Variants in GLIS1 observed in about 807,000 individuals in gnomAD.
GLIS1 encodes zinc finger protein GLIS1.
GLIS1 carries 24 observed loss-of-function variants against 63.8 expected under a neutral mutation model. The ratio of observed to expected loss-of-function variants is 0.38; its 90% CI spans 0.27 to 0.53. GLIS1 has a LOEUF of 0.53. Among genes scored for constraint, GLIS1 ranks in the 20% least tolerant of loss-of-function variants. The pLI is 0.85. For missense variants in GLIS1, 1,036 were observed against 1,074.1 expected (o/e 0.96, Z 0.50); for synonymous variants, 450 against 482.5 (o/e 0.93, Z 0.88).
chr1:53,513,313 T>C (rs1189086956), intron 8 of GLIS1, among the ~76,000 whole-genome samples: 1 of 152,050 alleles, frequency 6.6e-6, no homozygotes, highest in Non-Finnish European at 1.5e-5. Flanking sequence ...ACCCCTGCAA[T>C]GCCGCCCTGC....
intron 4 of GLIS1, among the ~76,000 whole-genome samples, chr1:53,536,507 C>T (rs982997800): frequency 6.6e-6 from 1 of 152,046 alleles, no homozygotes; most frequent in African/African-American, 2.4e-5. Context: ...GACAACGTTC[C>T]CCGCTGAGGA....
chr1:53,617,403 G>A (rs1645493131), intron 2 of GLIS1, among the ~76,000 whole-genome samples: 1 of 152,200 alleles, frequency 6.6e-6, no homozygotes, highest in Non-Finnish European at 1.5e-5. Context: ...ACTTTCTCAT[G>A]GTTTTAAGAG....
At chr1:53,626,339 G>A (rs1645593700) in intron 2 of GLIS1, among the ~76,000 whole-genome samples, 1 of 152,298 alleles carries the variant, frequency 6.6e-6, no homozygotes, top group South Asian at 2.1e-4. Context: ...TGCCAAGTCT[G>A]TCCTCGAGAG....
rs1646925453 is a variant in GLIS1, at chr1:53,737,800, A to G, written c.259+6T>C. 2.4e-6 allele frequency: 3 copies of G among 1,230,728 alleles called. No homozygotes were observed. The South Asian group carries it at 1.2e-4, about 51-fold the overall frequency. 76.2% of individuals were successfully genotyped at this position (1,230,728 alleles called of 1,614,324 possible). A position where few individuals can be genotyped will look rare whatever the true frequency, so the allele number is the denominator to read the frequency against. ...CCGCCAGGCACGTTGGCAGGGCCGA[A>G]CTCACCCTTCCCGGCGGCGGCGGCC... On this transcript the variant is annotated splice_donor_region_variant and intron_variant, in intron 2 of 10. Transcript: ENST00000628545.
At chr1:53,619,814 G>T (rs928714463) in intron 2 of GLIS1, among the ~76,000 whole-genome samples, 2 of 152,218 alleles carry the variant, frequency 1.3e-5, no homozygotes, top group South Asian at 4.1e-4. Context: ...AGATAATCTT[G>T]TTTTACATAA....
At chr1:53,671,873 G>A (rs555977887) in intron 2 of GLIS1, among the ~76,000 whole-genome samples, 1 of 152,178 alleles carries the variant, frequency 6.6e-6, no homozygotes, top group Non-Finnish European at 1.5e-5. Context: ...TTCAAACCCA[G>A]ATCTACCCAA....
At chr1:53,687,570 G>A (rs1024639420) in intron 2 of GLIS1, among the ~76,000 whole-genome samples, 18 of 152,120 alleles carry the variant, frequency 1.2e-4, no homozygotes, top group African/African-American at 4.3e-4. Context: ...CTGCTGTCGG[G>A]TGGTTCTGTG....
rs1645014792 is a variant in GLIS1 at position 53,574,672 on chromosome 1, C to T, written c.1320+19436G>A. Reference sequence around the variant, plus strand: ...TGGTGGGTCATGATGTCTGCTGGTCCCCAATATGAGTAAAGGAAGCAGCCC... The same window carrying T: ...TGGTGGGTCATGATGTCTGCTGGTCTCCAATATGAGTAAAGGAAGCAGCCC... On this transcript the variant is annotated intron_variant, in intron 4 of 10. Coordinates refer to ENST00000628545, the MANE Select transcript of GLIS1 (RefSeq NM_001367484.1). This position sits in a 1 kb window ranked among gnomAD's most constrained non-coding sequence, Gnocchi z 4.2. 6.6e-6 allele frequency among the ~76,000 whole-genome samples: 1 copy of T among 152,170 alleles called. No homozygotes were observed. The highest frequency in any genetic ancestry group is 1.5e-5 in the Non-Finnish European group (1 of 68,038).
chr1:53,704,141 T>C (rs535557962), intron 2 of GLIS1, among the ~76,000 whole-genome samples: 27 of 152,374 alleles, frequency 1.8e-4, no homozygotes, highest in African/African-American at 6.0e-4. Context: ...ATATGTGGCC[T>C]TTGAAAAGTC....
At chr1:53,578,184 CTTGCTATAGCAGCCTGAA>C (rs1645051523) in intron 4 of GLIS1, among the ~76,000 whole-genome samples, 1 of 152,222 alleles carries the variant, frequency 6.6e-6, no homozygotes, top group Non-Finnish European at 1.5e-5. Context: ...AGACAGGCTG[CTTGCTATAGCAGCCTGAA>C]TCCCACTGGG....
At chr1:53,547,692 G>T (rs146052240) in intron 4 of GLIS1, among the ~76,000 whole-genome samples, 2 of 152,194 alleles carry the variant, frequency 1.3e-5, no homozygotes, top group Non-Finnish European at 2.9e-5. Context: ...TGGTATGGCC[G>T]TACATTCTGG....
intron 2 of GLIS1, among the ~76,000 whole-genome samples, chr1:53,603,982 T>A (rs1163663038): frequency 1.3e-5 from 2 of 152,220 alleles, no homozygotes; most frequent in Non-Finnish European, 2.9e-5. Flanking sequence ...TGGCACTTTT[T>A]AAGCTAGGTA....
At chr1:53,649,025 AT>A (rs926423166) in intron 2 of GLIS1, among the ~76,000 whole-genome samples, 14 of 152,190 alleles carry the variant, frequency 9.2e-5, no homozygotes, top group South Asian at 2.1e-4. Flanking sequence ...TTATTCATGG[AT>A]TTTTTTTCAA....
chr1:53,559,843 C>T (rs1644868822), intron 4 of GLIS1, among the ~76,000 whole-genome samples: 1 of 152,154 alleles, frequency 6.6e-6, no homozygotes, highest in Admixed American at 6.5e-5. Context: ...CAGTCATATA[C>T]ACACACTCTA....
intron 2 of GLIS1, among the ~76,000 whole-genome samples, chr1:53,695,670 A>G (rs1646458120): frequency 6.6e-6 from 1 of 152,160 alleles, no homozygotes; most frequent in South Asian, 2.1e-4. Context: ...GCGGGGTGGT[A>G]GACAAGAGCT....
rs1433652617 is a variant in GLIS1 at position 53,639,717 on chromosome 1, C to G, written c.260-39439G>C. On this transcript the variant is annotated intron_variant, in intron 2 of 10. Transcript: ENST00000628545. The surrounding 1 kb of genome is among the most constrained non-coding windows in gnomAD (Gnocchi z 4.6). ...GTTTACTCAGTGAATATTTATAAACCTCCAGGCTTGGGAAGCCAGTCTCAA... is the reference window on the plus strand; with the variant it reads ...GTTTACTCAGTGAATATTTATAAACGTCCAGGCTTGGGAAGCCAGTCTCAA... 6.6e-6 allele frequency among the ~76,000 whole-genome samples: 1 copy of G among 152,108 alleles called. No individual in the cohort carries two copies. Among genetic ancestry groups the G allele is most frequent in the Non-Finnish European group, 1.5e-5 (1 of 68,034 alleles).
chr1:53,536,773 A>G (rs1644585448), intron 4 of GLIS1, among the ~76,000 whole-genome samples: 1 of 152,140 alleles, frequency 6.6e-6, no homozygotes, highest in Admixed American at 6.5e-5. Context: ...TCCTGGGGCA[A>G]GGCCAGGCCT....
intron 4 of GLIS1, among the ~76,000 whole-genome samples, chr1:53,577,418 T>C (rs1645043283): frequency 6.6e-6 from 1 of 152,152 alleles, no homozygotes; most frequent in East Asian, 1.9e-4. Context: ...TCCCTCCTGA[T>C]TCTCTCTCTC....
intron 2 of GLIS1, among the ~76,000 whole-genome samples, chr1:53,686,477 G>A (rs969015170): frequency 1.3e-5 from 2 of 152,206 alleles, no homozygotes. Flanking sequence ...GTGAGCACAG[G>A]AGAATGGTCC....
Sources: allele counts gnomAD v4.1 joint callset (sites outside exome capture counted in the v4.1 genomes callset), GRCh38; gene constraint gnomAD v4.1.1; non-coding constraint Gnocchi (gnomAD v3.1); transcripts MANE v1.5; gene names NCBI Gene and HGNC (gene_info 2026-07-23, HGNC 2026-07-21).